PIEZO2: variants seen among roughly 807,000 people sequenced by gnomAD.
The protein encoded by PIEZO2 is piezo-type mechanosensitive ion channel component 2.
In PIEZO2, 172 loss-of-function variants were observed where a neutral mutation model predicts 337.3. That is an observed-to-expected ratio of 0.51 (90% CI 0.45 to 0.58). The LOEUF is 0.58. PIEZO2 is among the 20% of genes least tolerant of loss of function. The pLI is 0.00. For synonymous variants in PIEZO2, 1,251 were observed against 1,228.5 expected, an observed-to-expected ratio of 1.02 and a Z score of -0.38; for missense variants, 3,028 against 3,391.3, an observed-to-expected ratio of 0.89 and a Z score of 2.66.
intron 2 of PIEZO2, among the ~76,000 whole-genome samples, chr18:10,991,510 T>A (rs775685198): frequency 3.9e-5 from 6 of 151,962 alleles, no homozygotes; most frequent in African/African-American, 7.3e-5. Flanking sequence ...GTTGGTTTGC[T>A]GAGAATGATG....
rs879674484 is a variant in PIEZO2, at chr18:10,979,648, C to A, written c.173G>T (p.Arg58Leu). 4 of 1,534,652 alleles carry A rather than the reference C, an allele frequency of 2.6e-6. No homozygotes were observed. The highest frequency in any genetic ancestry group is 1.4e-5 in the African/African-American group (1 of 73,086). Residue 58 changes from arginine to leucine, a missense_variant, in exon 3 of 56, where the codon CGG (arginine) becomes CTG (leucine). Around this residue, in one of 5 missense-constraint regions of PIEZO2, gnomAD observed 542 missense variants for 605.6 expected, o/e 0.89. Transcript: ENST00000674853. The surrounding 1 kb of genome is among the most constrained non-coding windows in gnomAD (Gnocchi z 4.0). Reference sequence around the variant, plus strand: ...GATGAAGCACAGAGACTTTAATAACCGTCCCGTATGTCCTAAGGGATAAAA... The same window carrying A: ...GATGAAGCACAGAGACTTTAATAACAGTCCCGTATGTCCTAAGGGATAAAA... ...TKTTMQGHTG[R>L]LLKSLCFISL...
Position 10,888,248 on chromosome 18 carries a change from T to C in PIEZO2, c.330-16833A>G, listed in dbSNP as rs1017932514. Among the ~76,000 whole-genome samples, 3 of 152,198 alleles carry C rather than the reference T, an allele frequency of 2.0e-5. No homozygotes were observed. Among genetic ancestry groups the C allele is most frequent in the African/African-American group, 7.2e-5 (3 of 41,452 alleles). ...ATGCATGAACTTCTCTTTTATTAGA[T>C]AGACTGTATTTGAAACTACAATTCT... On this transcript the variant is annotated intron_variant, in intron 4 of 55. Coordinates refer to ENST00000674853, the MANE Select transcript of PIEZO2 (RefSeq NM_001378183.1). This position sits in a 1 kb window ranked among gnomAD's most constrained non-coding sequence, Gnocchi z 4.1.
At chr18:10,740,830 G>A (rs75711886) in intron 33 of PIEZO2, 86 of 699,604 alleles carry the variant, frequency 1.2e-4, no homozygotes, top group Middle Eastern at 2.5e-4. Flanking sequence ...ATGTCAGAAC[G>A]TCTGTGCTGA....
chr18:11,142,245 A>C (rs2040673400), intron 1 of PIEZO2, among the ~76,000 whole-genome samples: 1 of 152,232 alleles, frequency 6.6e-6, no homozygotes, highest in Non-Finnish European at 1.5e-5. Context: ...AAAAAATGCA[A>C]AGCTATACGT....
Position 11,141,546 on chromosome 18 carries a change from T to TAG in PIEZO2, c.64+6978_64+6979insCT, listed in dbSNP as rs557445702. 1.7e-3 allele frequency among the ~76,000 whole-genome samples: 264 copies of TAG among 152,284 alleles called. 1 individual carries two copies. Among genetic ancestry groups the TAG allele is most frequent in the Non-Finnish European group, 7.2e-4 (49 of 68,026 alleles). On this transcript the variant is annotated intron_variant, in intron 1 of 55. Transcript: ENST00000674853. ...ACGTATGTGGACCGAGATGAAAACTTAAGGGCAAAACTTAGAAGCGTGCCC... is the reference window on the plus strand; with the variant it reads ...ACGTATGTGGACCGAGATGAAAACTTAGAAGGGCAAAACTTAGAAGCGTGCCC...
intron 2 of PIEZO2, among the ~76,000 whole-genome samples, chr18:11,039,184 C>A (rs183727368): frequency 1.7e-4 from 26 of 152,280 alleles, no homozygotes; most frequent in African/African-American, 6.0e-4. Flanking sequence ...GGTCTGCATG[C>A]ATAAAATCCC....
intron 8 of PIEZO2, among the ~76,000 whole-genome samples, chr18:10,806,895 A>G (rs1183884311): frequency 1.3e-5 from 2 of 152,200 alleles, no homozygotes; most frequent in Non-Finnish European, 2.9e-5. Context: ...TGCCATTCTT[A>G]CCAGCAGTTT....
intron 3 of PIEZO2, among the ~76,000 whole-genome samples, chr18:10,919,284 C>T (rs948311284): frequency 6.6e-6 from 1 of 151,958 alleles, no homozygotes; most frequent in Admixed American, 6.6e-5. Context: ...ATTCATTTGC[C>T]CTTTAGGTTC....
intron 3 of PIEZO2, among the ~76,000 whole-genome samples, chr18:10,972,835 T>C (rs1436881683): frequency 1.3e-5 from 2 of 152,168 alleles, no homozygotes; most frequent in East Asian, 3.8e-4. Context: ...AGCAACAACA[T>C]GAACAACAGC....
intron 1 of PIEZO2, among the ~76,000 whole-genome samples, chr18:11,093,197 C>G (rs1259765054): frequency 6.6e-6 from 1 of 152,126 alleles, no homozygotes; most frequent in East Asian, 1.9e-4. Flanking sequence ...TTTCCACAAA[C>G]CCTGTGCATC....
At chr18:11,088,099 G>C (rs755008001) in intron 1 of PIEZO2, among the ~76,000 whole-genome samples, 2 of 152,180 alleles carry the variant, frequency 1.3e-5, no homozygotes, top group Non-Finnish European at 2.9e-5. Flanking sequence ...ATGTATACTT[G>C]GGACACTTGA....
rs1344695796 is a variant in PIEZO2 at position 10,676,780 on chromosome 18, C to T, written c.8081+967G>A. Among the ~76,000 whole-genome samples, 1 of 152,226 alleles carries T rather than the reference C, an allele frequency of 6.6e-6. No individual in the cohort carries two copies. Among genetic ancestry groups the T allele is most frequent in the African/African-American group, 2.4e-5 (1 of 41,460 alleles). On this transcript the variant is annotated intron_variant, in intron 53 of 55. Coordinates refer to ENST00000674853, the MANE Select transcript of PIEZO2 (RefSeq NM_001378183.1). This position sits in a 1 kb window ranked among gnomAD's most constrained non-coding sequence, Gnocchi z 5.1. The stretch of plus-strand genomic sequence containing the variant: ...GAACCTTGAGCCCCACCTCTTTCCA[C>T]TGAGGGTGAACGAGTGAAGTGGGTA...
At chr18:10,839,436 C>A (rs924518672) in intron 7 of PIEZO2, among the ~76,000 whole-genome samples, 3 of 152,222 alleles carry the variant, frequency 2.0e-5, no homozygotes, top group South Asian at 2.1e-4. Flanking sequence ...AAGAGCACTG[C>A]ACTCTAGAGG....
Position 10,895,296 on chromosome 18 carries a change from A to G in PIEZO2, c.329+15890T>C, listed in dbSNP as rs185895943. Among the ~76,000 whole-genome samples, 15 of 152,146 alleles carry G rather than the reference A, an allele frequency of 9.9e-5. No homozygotes were observed. The highest frequency in any genetic ancestry group is 2.1e-4 in the South Asian group (1 of 4,812). On this transcript the variant is annotated intron_variant, in intron 4 of 55. Coordinates refer to ENST00000674853, the MANE Select transcript of PIEZO2 (RefSeq NM_001378183.1). This position sits in a 1 kb window ranked among gnomAD's most constrained non-coding sequence, Gnocchi z 4.8. ...CCCCATTTCTACTAAAAATACAAAA[A>G]TTAGCTGGGTATGTTGGTGCGCACC... is the stretch of plus-strand genomic sequence containing the variant.
At position 10,903,764 on chromosome 18, in the gene PIEZO2, G is replaced by A. The variant is rs2043108462; in HGVS notation, c.329+7422C>T. 6.6e-6 allele frequency among the ~76,000 whole-genome samples: 1 copy of A among 152,136 alleles called. No individual in the cohort carries two copies. The highest frequency in any genetic ancestry group is 2.4e-5 in the African/African-American group (1 of 41,444). On this transcript the variant is annotated intron_variant, in intron 4 of 55. Coordinates refer to ENST00000674853, the MANE Select transcript of PIEZO2 (RefSeq NM_001378183.1). This position sits in a 1 kb window ranked among gnomAD's most constrained non-coding sequence, Gnocchi z 4.1. The stretch of plus-strand genomic sequence containing the variant: ...ATACCCAGATTTCATGTCTTATCAA[G>A]TGTGGCTTCACACTTTATCCCTAAC...
chr18:10,984,324 T>C (rs1442990683), intron 2 of PIEZO2, among the ~76,000 whole-genome samples: 1 of 152,016 alleles, frequency 6.6e-6, no homozygotes, highest in Non-Finnish European at 1.5e-5. Context: ...CAAGGGAGTA[T>C]AGATAAACTA....
At chr18:11,075,404 T>TCA (rs2038493014) in intron 1 of PIEZO2, among the ~76,000 whole-genome samples, 1 of 152,256 alleles carries the variant, frequency 6.6e-6, no homozygotes, top group East Asian at 1.9e-4. Flanking sequence ...AAAAGGCTGT[T>TCA]ATGTCACCTG....
intron 2 of PIEZO2, among the ~76,000 whole-genome samples, chr18:11,062,417 A>T (rs1009499502): frequency 2.0e-5 from 3 of 152,230 alleles, no homozygotes; most frequent in African/African-American, 7.2e-5. Context: ...ATGGGATCTA[A>T]TTTAACTAAA....
intron 1 of PIEZO2, among the ~76,000 whole-genome samples, chr18:11,067,830 CA>C (rs1291468779): frequency 1.3e-5 from 2 of 152,164 alleles, no homozygotes; most frequent in African/African-American, 4.8e-5. Context: ...AATAAGAAAA[CA>C]TCAGACTTAA....
Sources: gnomAD v4.1 joint callset for allele counts (sites outside exome capture counted in the v4.1 genomes callset) on GRCh38, gnomAD v4.1.1 for gene constraint, gnomAD v4.1.1 regional missense constraint, Gnocchi (gnomAD v3.1) non-coding constraint, MANE v1.5 for transcripts, NCBI Gene and HGNC (gene_info 2026-07-23, HGNC 2026-07-21) for gene names.